The following ZNF536 variants were observed in gnomAD, a reference collection of about 807,000 sequenced individuals.
ZNF536 encodes the protein zinc finger protein 536.
A neutral mutation model predicts 84.5 loss-of-function variants in ZNF536; 13 were observed. The observed-to-expected ratio is 0.15, with a 90% CI of 0.10 to 0.24. ZNF536 has a LOEUF of 0.24. Among genes scored for constraint, ZNF536 ranks in the 10% least tolerant of loss-of-function variants. The pLI, the probability that ZNF536 is intolerant of heterozygous loss-of-function variation, is 1.00. For missense variants in ZNF536, 1,536 were observed against 1,747.5 expected (o/e 0.88, Z 2.16); for synonymous variants, 811 against 742.5 (o/e 1.09, Z -1.50).
exon 2 of ZNF536, chr19:30,711,722 T>G (rs1346271588): frequency 6.6e-6 from 1 of 152,128 alleles, no homozygotes. Flanking sequence ...TAATTCCTTT[T>G]TTTAGATCAA....
At chr19:30,690,028 T>C (rs2051347004) in intron 1 of ZNF536, among the ~76,000 whole-genome samples, 1 of 152,242 alleles carries the variant, frequency 6.6e-6, no homozygotes, top group Non-Finnish European at 1.5e-5. Flanking sequence ...TCAGCCAAAC[T>C]GTGTGTGTAA....
chr19:30,438,214 C>T (rs909840464), intron 1 of ZNF536, among the ~76,000 whole-genome samples: 1 of 151,956 alleles, frequency 6.6e-6, no homozygotes, highest in Admixed American at 6.6e-5. Context: ...AACATTGTAC[C>T]CTATAGGTAA....
At chr19:30,613,487 T>G (rs1443279182) in intron 1 of ZNF536, among the ~76,000 whole-genome samples, 2 of 152,178 alleles carry the variant, frequency 1.3e-5, no homozygotes, top group Non-Finnish European at 2.9e-5. Flanking sequence ...TCAGTGTAGA[T>G]GCACTGATAT....
intron 1 of ZNF536, among the ~76,000 whole-genome samples, chr19:30,679,851 G>T (rs960854782): frequency 1.3e-5 from 2 of 151,862 alleles, no homozygotes; most frequent in Non-Finnish European, 3.0e-5. Context: ...TGCGGGGAGA[G>T]GGGGGTCAGC....
chr19:30,235,374 GAAT>G (rs1414468815), intron 1 of ZNF536, among the ~76,000 whole-genome samples: 1 of 152,150 alleles, frequency 6.6e-6, no homozygotes, highest in African/African-American at 2.4e-5. Context: ...TCATCCTTCT[GAAT>G]AATGTTAACC....
rs535787292 is a variant in ZNF536 at position 30,669,302 on chromosome 19, C to T, written c.170-41455C>T. ...GCGCTTCCCTAAACTGGGCATCTGG[C>T]AGGCTCAGCCGGGCAGACGTGTTCC... On this transcript the variant is annotated intron_variant, in intron 1 of 1. Coordinates refer to the ZNF536 transcript ENST00000592773. 1.2e-3 allele frequency among the ~76,000 whole-genome samples: 179 copies of T among 152,364 alleles called. 2 individuals carry two copies. Among genetic ancestry groups the T allele is most frequent in the African/African-American group, 4.0e-3 (167 of 41,588 alleles).
chr19:30,236,581 T>G (rs2023536202), intron 1 of ZNF536, among the ~76,000 whole-genome samples: 1 of 152,086 alleles, frequency 6.6e-6, no homozygotes, highest in South Asian at 2.1e-4. Flanking sequence ...TCCATCTATT[T>G]TGAAGGCAGA....
At chr19:30,479,744 A>T (rs2053996110) in intron 2 of ZNF536, among the ~76,000 whole-genome samples, 1 of 152,226 alleles carries the variant, frequency 6.6e-6, no homozygotes. Flanking sequence ...GCCACATCCC[A>T]GGGTGAGAGT....
At chr19:30,594,938 A>G (rs1357174598) in intron 1 of ZNF536, among the ~76,000 whole-genome samples, 2 of 152,082 alleles carry the variant, frequency 1.3e-5, no homozygotes, top group Non-Finnish European at 2.9e-5. Context: ...CAGGGGAGCC[A>G]TGCCTGTGTG....
chr19:30,531,956 A>G (rs1293440788), intron 2 of ZNF536, among the ~76,000 whole-genome samples: 2 of 151,802 alleles, frequency 1.3e-5, no homozygotes, highest in African/African-American at 4.8e-5. Context: ...CTCTGTGTCC[A>G]TGGTACCCAA....
At chr19:30,263,335 C>G (rs1168512302) in intron 1 of ZNF536, among the ~76,000 whole-genome samples, 3 of 152,074 alleles carry the variant, frequency 2.0e-5, no homozygotes, top group Admixed American at 2.0e-4. Flanking sequence ...AACCCGGAGC[C>G]CCTACAGAAG....
At chr19:30,373,887 T>G (rs551220517) in intron 1 of ZNF536, among the ~76,000 whole-genome samples, 1 of 152,234 alleles carries the variant, frequency 6.6e-6, no homozygotes, top group African/African-American at 2.4e-5. Context: ...GGGGCCAAGG[T>G]GGGCCTCAGC....
chr19:30,252,622 A>G (rs2024681585), intron 1 of ZNF536, among the ~76,000 whole-genome samples: 1 of 152,208 alleles, frequency 6.6e-6, no homozygotes, highest in South Asian at 2.1e-4. Flanking sequence ...ACCACTAGAC[A>G]TCTGTGCCTG....
At chr19:30,571,410 G>T (rs2146550965) in intron 1 of ZNF536, among the ~76,000 whole-genome samples, 1 of 152,316 alleles carries the variant, frequency 6.6e-6, no homozygotes, top group Admixed American at 6.5e-5. Context: ...TGACACACAG[G>T]CTAAGTAGGG....
intron 1 of ZNF536, among the ~76,000 whole-genome samples, chr19:30,419,945 G>T (rs943616725): frequency 2.0e-5 from 3 of 152,226 alleles, no homozygotes; most frequent in African/African-American, 7.2e-5. Flanking sequence ...TCCGGGTGCT[G>T]CTTCTGGAGG....
At chr19:30,453,320 G>A (rs1218393902) in intron 2 of ZNF536, among the ~76,000 whole-genome samples, 1 of 152,196 alleles carries the variant, frequency 6.6e-6, no homozygotes. Flanking sequence ...ACCTCGGGGT[G>A]CATGTGGGCT....
chr19:30,444,295 A>G lies in ZNF536; in HGVS notation c.733A>G (p.Asn245Asp), dbSNP rs2148177891. 6.3e-7 allele frequency: 1 copy of G among 1,578,172 alleles called. No individual in the cohort carries two copies. Among genetic ancestry groups the G allele is most frequent in the Non-Finnish European group, 8.5e-7 (1 of 1,169,720 alleles). Residue 245 changes from asparagine to aspartate, a missense_variant, in exon 2 of 5, where the codon AAC becomes GAC. Asn to Asp is a conservative substitution (Grantham distance 23). Around this residue, in one of 8 missense-constraint regions of ZNF536, gnomAD observed 138 missense variants for 136.8 expected, o/e 1.01. Coordinates refer to ENST00000355537, the MANE Select transcript of ZNF536 (RefSeq NM_014717.3). ...CGCCTGCACCCTGGCCCTGCAGGCT[A>G]ACCACAGCGTTCCCGACGTGGCCCA... ...LAACTLALQA[N>D]HSVPDVAHPV...
intron 2 of ZNF536, among the ~76,000 whole-genome samples, chr19:30,351,262 C>CATCTATAAGAAGGGGA (rs1245843500): frequency 6.6e-6 from 1 of 152,208 alleles, no homozygotes; most frequent in Non-Finnish European, 1.5e-5. Flanking sequence ...ATGCAGATGA[C>CATCTATAAGAAGGGGA]AGCAAAATAC....
intron 1 of ZNF536, among the ~76,000 whole-genome samples, chr19:30,280,919 G>T (rs1458268383): frequency 6.6e-6 from 1 of 152,172 alleles, no homozygotes; most frequent in East Asian, 1.9e-4. Context: ...GGGCTAGCTT[G>T]TATGTCTGCG....
Sources: allele counts gnomAD v4.1 joint callset (sites outside exome capture counted in the v4.1 genomes callset), GRCh38; gene constraint gnomAD v4.1.1; regional missense constraint gnomAD v4.1.1; transcripts MANE v1.5; gene names NCBI Gene and HGNC (gene_info 2026-07-23, HGNC 2026-07-21).